The following RBBP8NL variants were observed in gnomAD, a reference collection of about 807,000 sequenced individuals.
RBBP8NL encodes the protein RBBP8 N-terminal like, also known as RBBP8 N-terminal-like protein.
In RBBP8NL, 59 loss-of-function variants were observed where a neutral mutation model predicts 62.2. The ratio of observed to expected loss-of-function variants is 0.95; its 90% CI spans 0.77 to 1.18. RBBP8NL has a LOEUF of 1.18. Ranked by LOEUF, RBBP8NL falls within the 50% of genes most tolerant of loss-of-function variation. The pLI, the probability that RBBP8NL is intolerant of heterozygous loss-of-function variation, is 0.00. For synonymous variants in RBBP8NL, 412 were observed against 394.1 expected (o/e 1.05, Z -0.54); for missense variants, 896 against 899.5 (o/e 1.00, Z 0.05).
intron 4 of RBBP8NL, 61 bp downstream of exon 4, chr20:62,417,163 C>A: frequency 7.8e-7 from 1 of 1,285,130 alleles, no homozygotes; most frequent in Non-Finnish European, 1.1e-6. Context: ...AGCCCTGTCA[C>A]CTCCTCCTCT....
chr20:62,415,611 C>G lies in RBBP8NL; in HGVS notation c.594G>C (p.Gly198=). The change falls in exon 8 of 14, where the codon GGG becomes GGC. Residue 198 remains glycine (G), a synonymous_variant. Transcript: ENST00000252998. ...GGGCTCGCGACTCAGGCAGGGTGGC[C>G]CCTGGGGAGATTTTGGCCACTGGAG... The part of the protein sequence containing the change: ...RTSPVAKISP[G]ATLPESRAPD... 6.2e-7 allele frequency: 1 copy of G among 1,612,918 alleles called. No homozygotes were observed. Among genetic ancestry groups the G allele is most frequent in the Non-Finnish European group, 8.5e-7 (1 of 1,179,924 alleles).
intron 3 of RBBP8NL, 130 bp downstream of exon 3, chr20:62,418,293 G>T: frequency 3.2e-6 from 3 of 923,606 alleles, no homozygotes; most frequent in Non-Finnish European, 3.4e-6. Flanking sequence ...GACTCCCCCC[G>T]CCCCCACACT....
intron 1 of RBBP8NL, 81 bp from the exon 2 acceptor site, chr20:62,419,811 T>C: frequency 1.4e-6 from 1 of 692,608 alleles, no homozygotes. Context: ...TTGGGGCTCC[T>C]TGTGTCTGTA....
intron 2 of RBBP8NL, among the ~76,000 whole-genome samples, chr20:62,418,707 G>A (rs112249143): frequency 6.6e-6 from 1 of 152,340 alleles, no homozygotes; most frequent in African/African-American, 2.4e-5. Flanking sequence ...GTCTGGGGGT[G>A]TCTGGGGGTG....
At chr20:62,421,412 C>T (rs188840955) in intron 1 of RBBP8NL, among the ~76,000 whole-genome samples, 15 of 91,428 alleles carry the variant, frequency 1.6e-4, no homozygotes, top group East Asian at 1.2e-3. Context: ...CGTGAGTGTG[C>T]GTGTGTGTGC....
At chr20:62,417,505 AGCCCCC>A (rs1988599291) in intron 3 of RBBP8NL, among the ~76,000 whole-genome samples, 186 bp from the exon 4 acceptor site, 1 of 100,586 alleles carries the variant, frequency 9.9e-6, no homozygotes, top group African/African-American at 3.5e-5. Context: ...CCGTCCACGC[AGCCCCC>A]CCAGTCATCT....
Position 62,414,572 on chromosome 20 carries a change from A to T in RBBP8NL, c.795-16T>A. On this transcript the variant is annotated splice_polypyrimidine_tract_variant and intron_variant, in intron 9 of 13. Coordinates refer to ENST00000252998, the MANE Select transcript of RBBP8NL (RefSeq NM_080833.3). ...CCGCAGGAAGCTGTGAGGGAGGAGA[A>T]GCCGAATGACCATGGCTGTGTGGAG... is the stretch of plus-strand genomic sequence containing the variant. 7.0e-7 allele frequency: 1 copy of T among 1,420,626 alleles called. No individual in the cohort carries two copies. 88.0% of individuals were successfully genotyped at this position (1,420,626 alleles called of 1,614,324 possible).
intron 1 of RBBP8NL, among the ~76,000 whole-genome samples, chr20:62,424,815 G>C (rs1988773292): frequency 7.3e-6 from 1 of 137,408 alleles, no homozygotes; most frequent in African/African-American, 2.6e-5. Flanking sequence ...TGGCCACTCA[G>C]AGGGGGCAGA....
intron 11 of RBBP8NL, 126 bp from the exon 12 acceptor site, chr20:62,413,026 C>A: frequency 4.5e-6 from 5 of 1,108,264 alleles, no homozygotes; most frequent in Non-Finnish European, 1.3e-6. Flanking sequence ...GGCCAAGTGA[C>A]CTGCCCCAGG....
intron 13 of RBBP8NL, among the ~76,000 whole-genome samples, chr20:62,412,238 T>G (rs1988449981): frequency 6.6e-6 from 1 of 152,210 alleles, no homozygotes; most frequent in Non-Finnish European, 1.5e-5. Context: ...GATCTGCTCC[T>G]TGTGGCAGCG....
chr20:62,412,571 G>C, intron 13 of RBBP8NL, 53 bp downstream of exon 13: 1 of 1,583,814 alleles, frequency 6.3e-7, no homozygotes, highest in Non-Finnish European at 8.5e-7. Context: ...GGAGAGGTGG[G>C]TGCTGTGGCT....
chr20:62,426,226 G>GCAGTGC (rs1988806303), intron 1 of RBBP8NL, among the ~76,000 whole-genome samples: 1 of 152,368 alleles, frequency 6.6e-6, no homozygotes, highest in East Asian at 1.9e-4. Flanking sequence ...AGTGGCAGTG[G>GCAGTGC]CTGCTGTTGA....
rs367898334 is a variant in RBBP8NL at position 62,422,684 on chromosome 20, A to G, written c.-83-2954T>C. Among the ~76,000 whole-genome samples, 42 of 149,786 alleles carry G rather than the reference A, an allele frequency of 2.8e-4. 1 individual carries two copies. Among genetic ancestry groups the G allele is most frequent in the African/African-American group, 9.8e-4 (40 of 40,642 alleles). On this transcript the variant is annotated intron_variant, in intron 1 of 13. Coordinates refer to ENST00000252998, the MANE Select transcript of RBBP8NL (RefSeq NM_080833.3). ...GGTGGGGATGGGGACCGGGGTGGGG[A>G]TGGTGACTGGAGCCACTTGGAAGGA...
rs1317638642 is a variant in RBBP8NL, at chr20:62,415,808, C to A, written c.524G>T (p.Gly175Val). The A allele has an allele frequency of 1.2e-6, 2 of 1,612,284 alleles. No individual in the cohort carries two copies. Among genetic ancestry groups the A allele is most frequent in the African/African-American group, 1.3e-5 (1 of 74,914 alleles). The change falls in exon 7 of 14, where the codon GGC (glycine) becomes GTC (valine). Residue 175 changes from glycine to valine, a missense_variant. Gly to Val is a moderately radical substitution (Grantham distance 109). Coordinates refer to ENST00000252998, the MANE Select transcript of RBBP8NL (RefSeq NM_080833.3). The stretch of plus-strand genomic sequence containing the variant: ...AGCACCTTCTCCCCGTAGGCCCACG[C>A]CCTGGTGGTCTTCCTCAGCCTCCTC... ...GHEEAEEDHQ[G>V]VGLRGEEKPA...
At chr20:62,423,891 G>T (rs928555512) in intron 1 of RBBP8NL, among the ~76,000 whole-genome samples, 1 of 152,206 alleles carries the variant, frequency 6.6e-6, no homozygotes, top group Non-Finnish European at 1.5e-5. Flanking sequence ...TGAGCCAGGG[G>T]TCAGCAGCGG....
At chr20:62,414,632 A>T in intron 9 of RBBP8NL, 76 bp from the exon 10 acceptor site, 1 of 1,373,742 alleles carries the variant, frequency 7.3e-7, no homozygotes, top group East Asian at 2.7e-5. Flanking sequence ...AGAGGGAGAG[A>T]CGACAGGCAC....
chr20:62,418,492 G>C, intron 2 of RBBP8NL, 27 bp from the exon 3 acceptor site: 4 of 1,542,792 alleles, frequency 2.6e-6, no homozygotes, highest in Non-Finnish European at 3.5e-6. Flanking sequence ...AGGGGCGGGG[G>C]GTCAGGCCCA....
At chr20:62,412,096 G>C (rs1464575538) in intron 13 of RBBP8NL, among the ~76,000 whole-genome samples, 3 of 152,250 alleles carry the variant, frequency 2.0e-5, no homozygotes, top group Non-Finnish European at 2.9e-5. Context: ...GGAGGAGCTG[G>C]GTCCAAGGAC....
intron 1 of RBBP8NL, among the ~76,000 whole-genome samples, chr20:62,424,075 G>A (rs369124795): frequency 2.6e-5 from 4 of 152,022 alleles, no homozygotes; most frequent in East Asian, 1.9e-4. Context: ...GGGGCGGGGA[G>A]GGGCTGGGCT....
Sources: gnomAD v4.1 joint callset for allele counts (sites outside exome capture counted in the v4.1 genomes callset) on GRCh38, gnomAD v4.1.1 for gene constraint, MANE v1.5 for transcripts, NCBI Gene and HGNC (gene_info 2026-07-23, HGNC 2026-07-21) for gene names.